EPB41L1: variants seen among roughly 807,000 people sequenced by gnomAD.
EPB41L1 encodes band 4.1-like protein 1.
EPB41L1 carries 29 observed loss-of-function variants against 97.8 expected under a neutral mutation model. The observed-to-expected ratio is 0.30, with a 90% CI of 0.22 to 0.40. EPB41L1 has a LOEUF of 0.40. EPB41L1 is among the 10% of genes least tolerant of loss of function. EPB41L1 has a pLI of 1.00. For synonymous variants in EPB41L1, 383 were observed against 459.2 expected (o/e 0.83, Z 2.12); for missense variants, 812 against 1,162.3 (o/e 0.70, Z 4.38).
chr20:36,107,380 C>T (rs773638822), intron 1 of EPB41L1, among the ~76,000 whole-genome samples: 1 of 151,104 alleles, frequency 6.6e-6, no homozygotes, highest in Non-Finnish European at 1.5e-5. Flanking sequence ...ACCACCATAC[C>T]CGGCTAATTT....
Position 36,194,380 on chromosome 20 carries a change from A to T in EPB41L1, c.1449+20A>T, listed in dbSNP as rs200506104. The T allele has an allele frequency of 1.5e-4, 238 of 1,589,060 alleles. 1 individual carries two copies. In the African/African-American group the frequency reaches 2.8e-3, roughly 19 times the overall value. On this transcript the variant is annotated intron_variant, in intron 12 of 21. Transcript: ENST00000338074. ...CTAAAGGTAGGAGCCTGGCTTTCTCATACTCTCTGCCCTGGGGATCAGGAG... is the reference window on the plus strand; with the variant it reads ...CTAAAGGTAGGAGCCTGGCTTTCTCTTACTCTCTGCCCTGGGGATCAGGAG...
chr20:36,190,552 C>G lies in EPB41L1; in HGVS notation c.1125-70C>G. On this transcript the variant is annotated intron_variant, in intron 10 of 21. Coordinates refer to ENST00000338074, the MANE Select transcript of EPB41L1 (RefSeq NM_012156.2). This position sits in a 1 kb window ranked among gnomAD's most constrained non-coding sequence, Gnocchi z 5.8. ...GTGGAGTAGTGGGATGAAAGGCCAG[C>G]TGTGGTCTAACCTTGGGCCTGGCAG... 1 of 1,595,714 alleles carries G rather than the reference C, an allele frequency of 6.3e-7. No homozygotes were observed.
chr20:36,172,426 G>T (rs2061032556), intron 1 of EPB41L1, among the ~76,000 whole-genome samples: 1 of 152,180 alleles, frequency 6.6e-6, no homozygotes, highest in South Asian at 2.1e-4. Flanking sequence ...AACATATAAA[G>T]TGAAAAGTGA....
At chr20:36,208,335 G>A (rs1054108505) in intron 14 of EPB41L1, 6 of 454,340 alleles carry the variant, frequency 1.3e-5, no homozygotes, top group Middle Eastern at 3.2e-4. Flanking sequence ...GAAGAGAAGC[G>A]CTCCACCAAC....
At chr20:36,148,234 G>C (rs940874877) in intron 2 of EPB41L1, among the ~76,000 whole-genome samples, 1 of 152,182 alleles carries the variant, frequency 6.6e-6, no homozygotes, top group African/African-American at 2.4e-5. Flanking sequence ...AAAGCTCATA[G>C]TGCAATGGAA....
At chr20:36,226,481 A>G (rs896167864) in intron 21 of EPB41L1, among the ~76,000 whole-genome samples, 6 of 152,222 alleles carry the variant, frequency 3.9e-5, no homozygotes, top group African/African-American at 1.4e-4. Flanking sequence ...GCTTGCTCAC[A>G]GTCATGAAGC....
At chr20:36,153,066 G>A (rs771684991), upstream of EPB41L1, 14 of 456,606 alleles carry the variant, frequency 3.1e-5, no homozygotes, top group Admixed American at 7.0e-5. Flanking sequence ...TGAAGGCACC[G>A]GAAGCTTTGT....
At chr20:36,198,076 T>A in intron 14 of EPB41L1, 35 bp downstream of exon 14, 1 of 1,594,052 alleles carries the variant, frequency 6.3e-7, no homozygotes, top group Admixed American at 1.7e-5. Flanking sequence ...ATAGGGGCCT[T>A]GGGTAAAGAG....
chr20:36,096,269 T>C (rs1398203617), intron 1 of EPB41L1, among the ~76,000 whole-genome samples: 1 of 152,160 alleles, frequency 6.6e-6, no homozygotes, highest in Non-Finnish European at 1.5e-5. Context: ...ACCTGGTAGG[T>C]AGGAATTCTG....
chr20:36,223,370 A>G (rs1403380098), intron 21 of EPB41L1, among the ~76,000 whole-genome samples: 1 of 152,200 alleles, frequency 6.6e-6, no homozygotes, highest in African/African-American at 2.4e-5. Flanking sequence ...GCAGGAGCCA[A>G]AATCTTAGGG....
In EPB41L1 at chr20:36,218,976, G is replaced by T; in HGVS notation, c.2355+14G>T. Reference sequence around the variant, plus strand: ...TCTCTTTCTCCGGTAAGTGGGCAAGGCCAGCTCAGGCTAGGGGACTCCACA... The same window carrying T: ...TCTCTTTCTCCGGTAAGTGGGCAAGTCCAGCTCAGGCTAGGGGACTCCACA... On this transcript the variant is annotated intron_variant, in intron 18 of 21. Coordinates refer to ENST00000338074, the MANE Select transcript of EPB41L1 (RefSeq NM_012156.2). The T allele has an allele frequency of 6.2e-7, 1 of 1,613,110 alleles. No homozygotes were observed. The highest frequency in any genetic ancestry group is 8.5e-7 in the Non-Finnish European group (1 of 1,179,390).
Position 36,198,044 on chromosome 20 carries a change from A to G in EPB41L1, c.1668+3A>G. ...GCACCCCTGAGAAAGCCAATGAGGT[A>G]GGTGTCGCCCTGAACCCCTCGATAG... On this transcript the variant is annotated splice_donor_region_variant and intron_variant, in intron 14 of 21. Coordinates refer to ENST00000338074, the MANE Select transcript of EPB41L1 (RefSeq NM_012156.2). The G allele has an allele frequency of 6.2e-7, 1 of 1,608,708 alleles. No homozygotes were observed. The highest frequency in any genetic ancestry group is 8.5e-7 in the Non-Finnish European group (1 of 1,177,338).
intron 1 of EPB41L1, among the ~76,000 whole-genome samples, chr20:36,110,992 G>A (rs1027578778): frequency 1.9e-4 from 29 of 152,268 alleles, no homozygotes; most frequent in Admixed American, 1.2e-3. Flanking sequence ...TCTTCAGTGA[G>A]TCATTTCATC....
intron 2 of EPB41L1, among the ~76,000 whole-genome samples, chr20:36,124,276 ACAAAAAACC>A (rs2058873559): frequency 2.6e-5 from 4 of 152,090 alleles, no homozygotes; most frequent in Admixed American, 2.6e-4. Context: ...ACAAAACAAA[ACAAAAAACC>A]CAAAAAACAC....
intron 14 of EPB41L1, among the ~76,000 whole-genome samples, chr20:36,205,498 C>A (rs2062750972): frequency 6.6e-6 from 1 of 152,096 alleles, no homozygotes; most frequent in Non-Finnish European, 1.5e-5. Flanking sequence ...CTGACGGTGG[C>A]AGTTATGTTA....
chr20:36,207,296 C>T lies in EPB41L1; in HGVS notation c.1669-2192C>T. The T allele has an allele frequency of 7.8e-7, 1 of 1,282,544 alleles. No homozygotes were observed. 79.4% of individuals were successfully genotyped at this position (1,282,544 alleles called of 1,614,324 possible). On this transcript the variant is annotated intron_variant, in intron 14 of 21. Transcript: ENST00000338074. The surrounding 1 kb of genome is among the most constrained non-coding windows in gnomAD (Gnocchi z 4.9). ...GGTGAGCGCAGGCCTCCTCCCATCA[C>T]CAGCAGAAAGCCCAGAGTAGTCCCT...
rs76982386 is a variant in EPB41L1, at chr20:36,105,954, G to A, written c.-64-6472G>A. ...GCCCTCTCCTCCCCTCCTCCCCAGG[G>A]GGCAGGCTGCCACCTGGCCCTTTCC... On this transcript the variant is annotated intron_variant, in intron 1 of 19. Coordinates refer to the EPB41L1 transcript ENST00000202028. Among the ~76,000 whole-genome samples the A allele has an allele frequency of 4.5e-3, 681 of 152,258 alleles. 8 individuals carry two copies. Among genetic ancestry groups the A allele is most frequent in the Middle Eastern group, 0.01 (3 of 294 alleles).
At chr20:36,218,840 T>A in intron 17 of EPB41L1, 36 bp from the exon 18 acceptor site, 1 of 1,608,396 alleles carries the variant, frequency 6.2e-7, no homozygotes, top group Non-Finnish European at 8.5e-7. Context: ...CCCACCCGGC[T>A]GAGAGCTGGC....
chr20:36,206,942 C>G lies in EPB41L1; in HGVS notation c.1669-2546C>G, dbSNP rs1195434919. On this transcript the variant is annotated intron_variant, in intron 14 of 21. Coordinates refer to ENST00000338074, the MANE Select transcript of EPB41L1 (RefSeq NM_012156.2). This position sits in a 1 kb window ranked among gnomAD's most constrained non-coding sequence, Gnocchi z 5.5. ...GCCTGCGCCCTTCCTCGGGCCATCC[C>G]TCTGAATGTCAGGAAGCCAGTCAAA... The G allele has an allele frequency of 6.2e-6, 8 of 1,289,828 alleles. No individual in the cohort carries two copies. The East Asian group carries it at 2.8e-4, about 45-fold the overall frequency. 79.9% of individuals were successfully genotyped at this position (1,289,828 alleles called of 1,614,324 possible).
Sources: gnomAD v4.1 joint callset for allele counts (sites outside exome capture counted in the v4.1 genomes callset) on GRCh38, gnomAD v4.1.1 for gene constraint, Gnocchi (gnomAD v3.1) non-coding constraint, MANE v1.5 for transcripts, NCBI Gene and HGNC (gene_info 2026-07-23, HGNC 2026-07-21) for gene names.